MYRIP: variants seen among roughly 807,000 people sequenced by gnomAD.
The protein encoded by MYRIP is myosin VIIA and Rab interacting protein.
Under a neutral mutation model 98.0 loss-of-function variants are expected in MYRIP, and 49 were observed. The observed-to-expected ratio is 0.50, with a 90% CI of 0.40 to 0.63. The LOEUF is 0.63. Among genes scored for constraint, MYRIP ranks in the 30% least tolerant of loss-of-function variants. The probability of loss-of-function intolerance (pLI) is 0.00; values close to 1 mark genes in which losing one functional copy is unlikely to be tolerated. For synonymous variants in MYRIP, 404 were observed against 409.5 expected (o/e 0.99, Z 0.16); for missense variants, 1,004 against 1,058.2 (o/e 0.95, Z 0.71).
At chr3:39,821,048 T>C (rs762629896) in intron 1 of MYRIP, among the ~76,000 whole-genome samples, 9 of 152,048 alleles carry the variant, frequency 5.9e-5, no homozygotes, top group Non-Finnish European at 1.3e-4. Context: ...GCAAAGAGAA[T>C]GAAAAACAAA....
At position 40,244,521 on chromosome 3, in the gene MYRIP, CA is replaced by C; in HGVS notation, c.2177del (p.His726ProfsTer40). ...GCTAGAAGATGCCGCCCGCTGCATC[CA>C]CAGTGGCACTGATGAGACCCATCTG... is the stretch of plus-strand genomic sequence containing the variant. ...TELEDAARCI[H>X]SGTDETHLAD... On this transcript the variant is annotated frameshift_variant, in exon 13 of 17. Transcript: ENST00000302541. LOFTEE classifies it high-confidence loss of function. 1 of 1,614,010 alleles carries C rather than the reference CA, an allele frequency of 6.2e-7. No homozygotes were observed. The highest frequency in any genetic ancestry group is 8.5e-7 in the Non-Finnish European group (1 of 1,179,928).
rs538904652 is a variant in MYRIP, at chr3:40,146,585, C to T, written c.333-4463C>T. On this transcript the variant is annotated intron_variant, in intron 3 of 16. Transcript: ENST00000302541. ...CTAAACCTTGTGGGAAGAGGGAGTT[C>T]ATCCTCCCTGTTGAAAAATTTGGTC... Among the ~76,000 whole-genome samples the T allele has an allele frequency of 9.2e-5, 14 of 152,314 alleles. 1 individual carries two copies. In the South Asian group the frequency reaches 2.9e-3, roughly 32 times the overall value.
intron 4 of MYRIP, among the ~76,000 whole-genome samples, chr3:40,159,670 A>G (rs1482761834): frequency 6.6e-6 from 1 of 151,878 alleles, no homozygotes; most frequent in Non-Finnish European, 1.5e-5. Context: ...ATAGTCCCAT[A>G]TTTCTTGGAG....
At position 40,044,217 on chromosome 3, in the gene MYRIP, G is replaced by A. The variant is rs775801761; in HGVS notation, c.278G>A (p.Cys93Tyr). The A allele has an allele frequency of 6.2e-7, 1 of 1,614,222 alleles. No homozygotes were observed. The highest frequency in any genetic ancestry group is 8.5e-7 in the Non-Finnish European group (1 of 1,180,040). ...AAATTCAATGTCTGCAAGAGCTGCT[G>A]CTCCTACCAGAAGCACGAAAAGGCC... ...DCKFNVCKSC[C>Y]SYQKHEKAWV... The change falls in exon 3 of 17, where the codon TGC (cysteine) becomes TAC (tyrosine). Residue 93 changes from cysteine to tyrosine, a missense_variant. Transcript: ENST00000302541.
intron 1 of MYRIP, among the ~76,000 whole-genome samples, chr3:39,810,942 C>T (rs1317702): frequency 0.19 from 28,984 of 152,160 alleles, 2,861 homozygotes; most frequent in South Asian, 0.29. Context: ...TGCTCTCCAT[C>T]TCCCCGACCA....
intron 1 of MYRIP, among the ~76,000 whole-genome samples, chr3:39,891,309 T>G (rs538764169): frequency 6.6e-6 from 1 of 152,106 alleles, no homozygotes; most frequent in Admixed American, 6.6e-5. Flanking sequence ...ATTGTATATA[T>G]AAAGTTTGTG....
intron 1 of MYRIP, among the ~76,000 whole-genome samples, chr3:39,882,975 A>G (rs1943192387): frequency 6.8e-6 from 1 of 147,316 alleles, no homozygotes; most frequent in South Asian, 2.1e-4. Context: ...AGAGAAAAAT[A>G]AAAAATATGT....
intron 11 of MYRIP, among the ~76,000 whole-genome samples, chr3:40,220,184 T>C (rs548336128): frequency 2.0e-5 from 3 of 151,132 alleles, no homozygotes; most frequent in African/African-American, 4.9e-5. Context: ...ATGGGGTTGT[T>C]TGTTTTTTTC....
intron 2 of MYRIP, among the ~76,000 whole-genome samples, chr3:40,007,280 A>C (rs1432494204): frequency 1.3e-5 from 2 of 152,054 alleles, no homozygotes; most frequent in Non-Finnish European, 2.9e-5. Flanking sequence ...CTTGGCCATC[A>C]TCATTCTCCT....
At chr3:39,858,518 A>C (rs557750927) in intron 1 of MYRIP, among the ~76,000 whole-genome samples, 67 of 152,136 alleles carry the variant, frequency 4.4e-4, no homozygotes, top group Non-Finnish European at 8.7e-4. Flanking sequence ...AGCAGATTTT[A>C]ATAACACTAT....
chr3:40,136,901 T>C (rs1949788841), intron 3 of MYRIP, among the ~76,000 whole-genome samples: 4 of 151,772 alleles, frequency 2.6e-5, no homozygotes, highest in Admixed American at 2.6e-4. Context: ...GAGGGAAATT[T>C]ATAGCACTAA....
intron 3 of MYRIP, chr3:40,070,984 C>A: frequency 5.0e-6 from 1 of 198,144 alleles, no homozygotes; most frequent in Non-Finnish European, 9.1e-6. Flanking sequence ...AGACTGATGG[C>A]TCCCCATGCC....
intron 3 of MYRIP, among the ~76,000 whole-genome samples, chr3:40,096,915 G>A (rs1227180185): frequency 6.6e-6 from 1 of 152,210 alleles, no homozygotes; most frequent in Non-Finnish European, 1.5e-5. Context: ...TTTACTGTTT[G>A]GGTGAAGCAA....
intron 2 of MYRIP, among the ~76,000 whole-genome samples, chr3:39,991,629 A>G (rs1946180255): frequency 6.6e-6 from 1 of 152,176 alleles, no homozygotes; most frequent in South Asian, 2.1e-4. Flanking sequence ...TAACCTTTGC[A>G]CAGGTGTTCC....
intron 2 of MYRIP, among the ~76,000 whole-genome samples, chr3:40,002,998 A>G (rs1395804666): frequency 2.0e-5 from 3 of 150,140 alleles, no homozygotes; most frequent in Admixed American, 6.7e-5. Flanking sequence ...CTATAGGTAT[A>G]TATACATGTA....
chr3:40,182,848 T>C (rs2125618267), intron 9 of MYRIP, among the ~76,000 whole-genome samples: 1 of 152,336 alleles, frequency 6.6e-6, no homozygotes, highest in African/African-American at 2.4e-5. Context: ...ATGTCCTTTC[T>C]GAAACTGGAT....
chr3:40,121,393 G>A (rs796457469), intron 3 of MYRIP, among the ~76,000 whole-genome samples: 26 of 152,154 alleles, frequency 1.7e-4, no homozygotes, highest in African/African-American at 5.5e-4. Flanking sequence ...TTTCTGGCAA[G>A]CATCTTGACA....
intron 15 of MYRIP, 100 bp from the exon 16 acceptor site, chr3:40,251,781 C>G: frequency 1.3e-6 from 1 of 773,346 alleles, no homozygotes; most frequent in Non-Finnish European, 2.2e-6. Flanking sequence ...GATTCCAAGT[C>G]TAGAACAAAA....
intron 3 of MYRIP, among the ~76,000 whole-genome samples, chr3:40,142,241 C>T (rs553780234): frequency 2.0e-5 from 3 of 151,718 alleles, no homozygotes; most frequent in African/African-American, 4.8e-5. Flanking sequence ...TTAGTAGAGA[C>T]GGGGTTTTAC....
Sources: gnomAD v4.1 joint callset for allele counts (sites outside exome capture counted in the v4.1 genomes callset) on GRCh38, gnomAD v4.1.1 for gene constraint, MANE v1.5 for transcripts, NCBI Gene and HGNC (gene_info 2026-07-23, HGNC 2026-07-21) for gene names.